The following ACOXL variants were observed in gnomAD, a reference collection of about 807,000 sequenced individuals.
ACOXL encodes the protein acyl-CoA oxidase like, also known as acyl-coenzyme A oxidase-like protein.
Under a neutral mutation model 71.9 loss-of-function variants are expected in ACOXL, and 70 were observed. The observed-to-expected ratio is 0.97, with a 90% confidence interval of 0.80 to 1.19. The LOEUF is 1.19. ACOXL is among the 50% of genes most tolerant of loss of function. ACOXL has a pLI of 0.00. For missense variants in ACOXL, 703 were observed against 736.3 expected (o/e 0.95, Z 0.52); for synonymous variants, 253 against 281.6 (o/e 0.90, Z 1.02).
intron 14 of ACOXL, among the ~76,000 whole-genome samples, chr2:111,003,288 G>A (rs1181179999): frequency 6.6e-6 from 1 of 151,968 alleles, no homozygotes; most frequent in South Asian, 2.1e-4. Context: ...GGTGGCTCAC[G>A]CCTGTAATCC....
chr2:110,828,618 G>A (rs960504837), intron 9 of ACOXL, among the ~76,000 whole-genome samples: 2 of 152,188 alleles, frequency 1.3e-5, no homozygotes, highest in Non-Finnish European at 2.9e-5. Context: ...CTTTGCGTAC[G>A]TCATCTCATC....
intron 10 of ACOXL, among the ~76,000 whole-genome samples, chr2:110,862,757 T>A (rs1237288254): frequency 6.6e-6 from 1 of 152,198 alleles, no homozygotes; most frequent in Non-Finnish European, 1.5e-5. Flanking sequence ...AGGACCCTCC[T>A]CCTGGCCGAG....
intron 14 of ACOXL, among the ~76,000 whole-genome samples, chr2:111,031,317 A>G (rs1468315496): frequency 6.6e-6 from 1 of 152,238 alleles, no homozygotes; most frequent in Non-Finnish European, 1.5e-5. Context: ...TCAGGCAGTA[A>G]GTGACCCAAT....
At chr2:110,845,378 T>G (rs1266411743) in intron 10 of ACOXL, among the ~76,000 whole-genome samples, 1 of 152,198 alleles carries the variant, frequency 6.6e-6, no homozygotes, top group Non-Finnish European at 1.5e-5. Context: ...CCCCACCTCT[T>G]AATATCATCA....
chr2:110,925,627 G>A (rs2060240498), intron 11 of ACOXL, among the ~76,000 whole-genome samples: 2 of 152,170 alleles, frequency 1.3e-5, no homozygotes, highest in South Asian at 4.1e-4. Flanking sequence ...ATGGAATGTT[G>A]TGATTGGTTT....
At chr2:111,106,918 ACT>A (rs1314533581) in intron 17 of ACOXL, among the ~76,000 whole-genome samples, 14 of 151,916 alleles carry the variant, frequency 9.2e-5, no homozygotes, top group African/African-American at 3.4e-4. Flanking sequence ...ACTGGCAGTG[ACT>A]CTGTTACCGC....
chr2:110,872,018 A>G (rs1695341050), intron 10 of ACOXL, among the ~76,000 whole-genome samples: 1 of 152,224 alleles, frequency 6.6e-6, no homozygotes, highest in Non-Finnish European at 1.5e-5. Context: ...ATATGCCAGA[A>G]ACTTGGAATG....
At chr2:111,029,804 G>A (rs900503019) in intron 14 of ACOXL, among the ~76,000 whole-genome samples, 11 of 152,166 alleles carry the variant, frequency 7.2e-5, no homozygotes, top group African/African-American at 2.4e-4. Context: ...GAGCACTTGG[G>A]AGCTGGCTGG....
At chr2:111,037,895 G>A (rs1461195836) in intron 15 of ACOXL, among the ~76,000 whole-genome samples, 4 of 152,188 alleles carry the variant, frequency 2.6e-5, no homozygotes, top group Admixed American at 2.0e-4. Flanking sequence ...GTTTTTGAAA[G>A]TCTTTCTTTG....
chr2:110,918,017 A>C (rs1477158678), intron 11 of ACOXL, among the ~76,000 whole-genome samples: 4 of 152,226 alleles, frequency 2.6e-5, no homozygotes, highest in African/African-American at 9.6e-5. Context: ...TATCCCTATC[A>C]AGCTACCATT....
intron 10 of ACOXL, among the ~76,000 whole-genome samples, chr2:110,878,841 C>T (rs546933815): frequency 6.6e-5 from 10 of 151,390 alleles, no homozygotes; most frequent in South Asian, 2.1e-4. Flanking sequence ...GGGTGGATCA[C>T]GAGGTCAGGA....
intron 9 of ACOXL, among the ~76,000 whole-genome samples, chr2:110,820,726 A>G (rs932261504): frequency 6.6e-6 from 1 of 152,208 alleles, no homozygotes; most frequent in African/African-American, 2.4e-5. Flanking sequence ...GTGCCAGGCA[A>G]GGTGAAGATG....
chr2:110,994,046 GACTC>G (rs546219071), intron 13 of ACOXL, among the ~76,000 whole-genome samples: 2 of 152,174 alleles, frequency 1.3e-5, no homozygotes, highest in Non-Finnish European at 2.9e-5. Context: ...CATGACATGT[GACTC>G]ACATGACTCA....
intron 9 of ACOXL, among the ~76,000 whole-genome samples, chr2:110,825,561 A>AT (rs1446964589): frequency 6.6e-6 from 1 of 151,860 alleles, no homozygotes; most frequent in African/African-American, 2.4e-5. Flanking sequence ...TTTCTTGGAG[A>AT]TTTTTTTCCA....
At chr2:110,912,190 C>A (rs1003038491) in intron 11 of ACOXL, among the ~76,000 whole-genome samples, 1 of 151,972 alleles carries the variant, frequency 6.6e-6, no homozygotes, top group Non-Finnish European at 1.5e-5. Flanking sequence ...TGACTATACT[C>A]CCTAAATTAA....
At chr2:110,853,095 C>T (rs1170776451) in intron 10 of ACOXL, among the ~76,000 whole-genome samples, 2 of 152,158 alleles carry the variant, frequency 1.3e-5, no homozygotes, top group East Asian at 3.9e-4. Context: ...GAGTGCCGGG[C>T]CTCGGGCGGG....
intron 8 of ACOXL, among the ~76,000 whole-genome samples, chr2:110,804,004 T>G (rs1204358779): frequency 1.3e-5 from 2 of 150,492 alleles, no homozygotes; most frequent in African/African-American, 4.9e-5. Context: ...TTTTTTTTTT[T>G]GAGATGGAGT....
intron 9 of ACOXL, among the ~76,000 whole-genome samples, chr2:110,838,567 C>T (rs1690741174): frequency 6.6e-6 from 1 of 152,190 alleles, no homozygotes; most frequent in Admixed American, 6.5e-5. Flanking sequence ...CCCAGAGACT[C>T]TTCTACCTCC....
At chr2:110,933,273 GT>G (rs974946454) in intron 11 of ACOXL, among the ~76,000 whole-genome samples, 8 of 152,072 alleles carry the variant, frequency 5.3e-5, no homozygotes, top group Non-Finnish European at 1.0e-4. Flanking sequence ...CTGCTCTTGT[GT>G]TTCATTGACT....
Sources: allele counts gnomAD v4.1 joint callset (sites outside exome capture counted in the v4.1 genomes callset), GRCh38; gene constraint gnomAD v4.1.1; transcripts MANE v1.5; gene names NCBI Gene and HGNC (gene_info 2026-07-23, HGNC 2026-07-21).